NMRAL1: variants seen among roughly 807,000 people sequenced by gnomAD.
NMRAL1 encodes nmrA-like family domain-containing protein 1.
NMRAL1 carries 32 observed loss-of-function variants against 27.5 expected under a neutral mutation model. The observed-to-expected ratio is 1.16, with a 90% CI of 0.88 to 1.56. NMRAL1 has a LOEUF of 1.56. NMRAL1 is among the 40% of genes most tolerant of loss of function. NMRAL1 has a pLI of 0.00. For missense variants in NMRAL1, 420 were observed against 392.0 expected, an observed-to-expected ratio of 1.07 and a Z score of -0.60; for synonymous variants, 166 against 166.8, an observed-to-expected ratio of 1.00 and a Z score of 0.04.
intron 3 of NMRAL1, among the ~76,000 whole-genome samples, chr16:4,467,619 G>GGTTTTT (rs1055542675): frequency 1.8e-4 from 28 of 151,562 alleles, no homozygotes; most frequent in African/African-American, 6.3e-4. Flanking sequence ...CGATTTCTGT[G>GGTTTTT]GTTTTTGTTT....
At chr16:4,473,564 G>A (rs2057685055) in intron 2 of NMRAL1, among the ~76,000 whole-genome samples, 1 of 152,116 alleles carries the variant, frequency 6.6e-6, no homozygotes, top group African/African-American at 2.4e-5. Flanking sequence ...AGGCTAGGAA[G>A]AAGATTTAAT....
chr16:4,471,015 G>A (rs2057545978), intron 2 of NMRAL1, among the ~76,000 whole-genome samples: 1 of 152,130 alleles, frequency 6.6e-6, no homozygotes, highest in South Asian at 2.1e-4. Context: ...GCTGAGGCAG[G>A]AGAATCGCTT....
intron 4 of NMRAL1, chr16:4,464,206 A>C (rs1461706517): frequency 6.4e-6 from 2 of 311,802 alleles, no homozygotes; most frequent in East Asian, 1.4e-4. Flanking sequence ...TGCTACAGAG[A>C]GTGTGGCTGG....
intron 5 of NMRAL1, among the ~76,000 whole-genome samples, chr16:4,462,217 G>A (rs572430286): frequency 6.6e-6 from 1 of 152,222 alleles, no homozygotes; most frequent in Non-Finnish European, 1.5e-5. Flanking sequence ...TGTGGCTCAT[G>A]CCCGTAATCC....
chr16:4,463,613 G>A, intron 5 of NMRAL1, 47 bp downstream of exon 5: 1 of 1,590,044 alleles, frequency 6.3e-7, no homozygotes, highest in Non-Finnish European at 8.6e-7. Flanking sequence ...ACGGGAGCTA[G>A]AAAGCCCTGA....
chr16:4,467,406 G>C (rs1161275794), intron 3 of NMRAL1, among the ~76,000 whole-genome samples: 3 of 151,742 alleles, frequency 2.0e-5, no homozygotes, highest in African/African-American at 7.3e-5. Context: ...GCTAATTTTT[G>C]TATTTTTTGT....
intron 5 of NMRAL1, among the ~76,000 whole-genome samples, chr16:4,462,297 G>A (rs72768313): frequency 2.0e-5 from 3 of 152,068 alleles, no homozygotes; most frequent in Non-Finnish European, 4.4e-5. Flanking sequence ...TGGCCAACAC[G>A]ATAAAACCCC....
At chr16:4,471,202 G>A (rs1182142019) in intron 2 of NMRAL1, 3 of 152,168 alleles carry the variant, frequency 2.0e-5, no homozygotes, top group African/African-American at 2.4e-5. Flanking sequence ...ACCATATTCA[G>A]ATCTGCTCAA....
At chr16:4,470,106 G>T (rs1057401555) in intron 2 of NMRAL1, among the ~76,000 whole-genome samples, 1 of 144,322 alleles carries the variant, frequency 6.9e-6, no homozygotes, top group African/African-American at 2.6e-5. Context: ...AGGTTGCAGT[G>T]AGCCCAGATC....
At chr16:4,474,451 T>G (rs2141477668) in intron 1 of NMRAL1, 103 bp downstream of exon 1, 3 of 335,264 alleles carry the variant, frequency 8.9e-6, no homozygotes, top group Non-Finnish European at 1.7e-5. Context: ...GCGGGACAAG[T>G]TCCAGGAGCC....
chr16:4,461,980 C>T (rs938690562), intron 5 of NMRAL1, 21 bp from the exon 6 acceptor site: 8 of 1,595,052 alleles, frequency 5.0e-6, no homozygotes, highest in South Asian at 2.3e-5. Flanking sequence ...AGGAGCCTGT[C>T]GTGGCCGGCG....
At chr16:4,470,445 G>A (rs935976820) in intron 2 of NMRAL1, among the ~76,000 whole-genome samples, 2 of 151,964 alleles carry the variant, frequency 1.3e-5, no homozygotes, top group African/African-American at 4.8e-5. Flanking sequence ...ACTCCAGCCT[G>A]GGCAACAAGA....
At chr16:4,473,412 C>G (rs1277566668) in intron 2 of NMRAL1, among the ~76,000 whole-genome samples, 1 of 151,826 alleles carries the variant, frequency 6.6e-6, no homozygotes, top group Non-Finnish European at 1.5e-5. Context: ...CTCAATAAAG[C>G]TGTTAGAGAT....
Position 4,466,037 on chromosome 16 carries a change from C to A in NMRAL1, c.529+116G>T. The A allele has an allele frequency of 4.6e-6, 6 of 1,300,416 alleles. No homozygotes were observed. In the Admixed American group the frequency reaches 7.3e-5, roughly 16 times the overall value. 80.6% of individuals were successfully genotyped at this position (1,300,416 alleles called of 1,614,324 possible). ...AGGATGTGCTCAGTCCTGGGCCTAACGTGAGGGAGCCACGGCTTGAACCTG... is the reference window on the plus strand; with the variant it reads ...AGGATGTGCTCAGTCCTGGGCCTAAAGTGAGGGAGCCACGGCTTGAACCTG... On this transcript the variant is annotated intron_variant, in intron 4 of 5. Transcript: ENST00000283429.
intron 5 of NMRAL1, 56 bp downstream of exon 5, chr16:4,463,604 C>T (rs752130201): frequency 6.0e-5 from 92 of 1,545,636 alleles, no homozygotes; most frequent in African/African-American, 5.3e-4. Flanking sequence ...ACCCTCCCTA[C>T]GGGAGCTAGA....
chr16:4,467,582 C>A (rs1469367273), intron 3 of NMRAL1, among the ~76,000 whole-genome samples: 1 of 151,912 alleles, frequency 6.6e-6, no homozygotes, highest in Admixed American at 6.6e-5. Flanking sequence ...TGATTTTGAA[C>A]TTCTAGCTTC....
upstream of NMRAL1, chr16:4,475,977 G>A (rs1293004703): frequency 6.6e-6 from 1 of 152,226 alleles, no homozygotes; most frequent in Non-Finnish European, 1.5e-5. Context: ...GCCGCTGTTT[G>A]AAGAATGCGA....
chr16:4,469,278 G>A lies in NMRAL1; in HGVS notation c.228C>T (p.Phe76=). ...ELALNGAYAT[F]IVTNYWESCS... ...AGCTCTCCCAGTAATTGGTCACGAT[G>A]AAGGTGGCGTAAGCCCCATTCAGGG... The change falls in exon 3 of 6, where the codon TTC becomes TTT. Residue 76 remains phenylalanine, a synonymous_variant. Transcript: ENST00000283429. 2 of 1,614,154 alleles carry A rather than the reference G, an allele frequency of 1.2e-6. No homozygotes were observed. The highest frequency in any genetic ancestry group is 1.7e-6 in the Non-Finnish European group (2 of 1,180,038).
At chr16:4,466,103 C>A (rs768827735) in intron 4 of NMRAL1, 50 bp downstream of exon 4, 1 of 1,607,728 alleles carries the variant, frequency 6.2e-7, no homozygotes, top group South Asian at 1.1e-5. Context: ...ACACCAACGG[C>A]TTTACAGGGT....
Sources: gnomAD v4.1 joint callset for allele counts (sites outside exome capture counted in the v4.1 genomes callset) on GRCh38, gnomAD v4.1.1 for gene constraint, MANE v1.5 for transcripts, NCBI Gene and HGNC (gene_info 2026-07-23, HGNC 2026-07-21) for gene names.